NTRK3: variants seen among roughly 807,000 people sequenced by gnomAD.
NTRK3 encodes the protein NT-3 growth factor receptor.
NTRK3 carries 24 observed loss-of-function variants against 91.7 expected under a neutral mutation model. The observed-to-expected ratio is 0.26, with a 90% CI of 0.19 to 0.37. The LOEUF (loss-of-function observed/expected upper bound fraction) is 0.37. Among genes scored for constraint, NTRK3 ranks in the 10% least tolerant of loss-of-function variants. The pLI is 1.00. For synonymous variants in NTRK3, 483 were observed against 404.0 expected, an observed-to-expected ratio of 1.20 and a Z score of -2.34; for missense variants, 880 against 1,068.9, an observed-to-expected ratio of 0.82 and a Z score of 2.46.
At chr15:88,229,904 T>C (rs2051022941) in intron 3 of NTRK3, among the ~76,000 whole-genome samples, 1 of 152,204 alleles carries the variant, frequency 6.6e-6, no homozygotes, top group African/African-American at 2.4e-5. Context: ...GCTTGGAAAA[T>C]CTAACCAAGT....
intron 13 of NTRK3, among the ~76,000 whole-genome samples, chr15:88,060,831 C>CA (rs2046151515): frequency 6.6e-6 from 1 of 152,022 alleles, no homozygotes; most frequent in South Asian, 2.1e-4. Flanking sequence ...TATTTTTGCT[C>CA]AAAAAATATT....
rs1000863194 is a variant in NTRK3, at chr15:88,233,223, A to G, written c.248+22683T>C. Among the ~76,000 whole-genome samples, 18 of 152,176 alleles carry G rather than the reference A, an allele frequency of 1.2e-4. No homozygotes were observed. The highest frequency in any genetic ancestry group is 3.9e-4 in the African/African-American group (16 of 41,424). On this transcript the variant is annotated intron_variant, in intron 3 of 18. Transcript: ENST00000394480. The surrounding 1 kb of genome is among the most constrained non-coding windows in gnomAD (Gnocchi z 4.2). ...ATTAAAACCGTAGAGCACATTGCCAATAAATAACCCCCCCGCCCCCAGTGT... is the reference window on the plus strand; with the variant it reads ...ATTAAAACCGTAGAGCACATTGCCAGTAAATAACCCCCCCGCCCCCAGTGT...
At chr15:88,246,316 C>G (rs1022447188) in intron 3 of NTRK3, among the ~76,000 whole-genome samples, 1 of 152,228 alleles carries the variant, frequency 6.6e-6, no homozygotes, top group Non-Finnish European at 1.5e-5. Flanking sequence ...GTATGGTTAT[C>G]TCCTAAAGCA....
At chr15:87,915,824 T>C (rs1238417794) in intron 17 of NTRK3, among the ~76,000 whole-genome samples, 1 of 150,812 alleles carries the variant, frequency 6.6e-6, no homozygotes, top group Non-Finnish European at 1.5e-5. Context: ...GAAGAAATTG[T>C]TTTTTTTTCA....
chr15:88,193,804 C>T (rs1276750670), intron 3 of NTRK3, among the ~76,000 whole-genome samples: 3 of 152,178 alleles, frequency 2.0e-5, no homozygotes, highest in Non-Finnish European at 2.9e-5. Context: ...AACATATAAA[C>T]ATGTTTTAGG....
At chr15:88,222,471 A>G (rs966988832) in intron 3 of NTRK3, among the ~76,000 whole-genome samples, 2 of 152,180 alleles carry the variant, frequency 1.3e-5, no homozygotes, top group African/African-American at 4.8e-5. Context: ...TACAACAATC[A>G]TATTTTTTAA....
At chr15:87,984,542 G>C (rs1442631985) in intron 14 of NTRK3, among the ~76,000 whole-genome samples, 2 of 152,222 alleles carry the variant, frequency 1.3e-5, no homozygotes, top group African/African-American at 4.8e-5. Context: ...GCCTAGGCTT[G>C]CTGGCCACAG....
intron 6 of NTRK3, among the ~76,000 whole-genome samples, chr15:88,139,298 C>A (rs1017250711): frequency 6.6e-6 from 1 of 152,174 alleles, no homozygotes; most frequent in Non-Finnish European, 1.5e-5. Flanking sequence ...CCGGATAAAT[C>A]TGAATGCCTG....
chr15:88,228,282 C>T (rs1215235883), intron 3 of NTRK3, among the ~76,000 whole-genome samples: 3 of 152,180 alleles, frequency 2.0e-5, no homozygotes, highest in Non-Finnish European at 2.9e-5. Flanking sequence ...CTCCCACCCC[C>T]TCTTCCTATA....
chr15:88,023,869 T>C (rs555329239), intron 14 of NTRK3, among the ~76,000 whole-genome samples: 2 of 152,202 alleles, frequency 1.3e-5, no homozygotes, highest in South Asian at 4.1e-4. Flanking sequence ...CAGCTGCTGC[T>C]GTTGCCTCTG....
intron 17 of NTRK3, among the ~76,000 whole-genome samples, chr15:87,896,880 A>G (rs2066156513): frequency 6.6e-6 from 1 of 152,214 alleles, no homozygotes; most frequent in African/African-American, 2.4e-5. Context: ...AGCAGGACAG[A>G]CTATTATCTA....
At chr15:88,056,383 A>G (rs577767784) in intron 13 of NTRK3, among the ~76,000 whole-genome samples, 113 of 152,014 alleles carry the variant, frequency 7.4e-4, no homozygotes, top group African/African-American at 2.6e-3. Context: ...GAGATGATAA[A>G]ATTTCTCTAT....
At chr15:87,876,301 C>G (rs2064947157) in exon 19 of NTRK3, 1 of 231,098 alleles carries the variant, frequency 4.3e-6, no homozygotes, top group African/African-American at 2.2e-5. Flanking sequence ...TTAGAATGGA[C>G]AAATTAGAAC....
At chr15:87,948,253 C>A (rs2142089704) in intron 14 of NTRK3, among the ~76,000 whole-genome samples, 1 of 152,312 alleles carries the variant, frequency 6.6e-6, no homozygotes, top group Non-Finnish European at 1.5e-5. Flanking sequence ...GCAGAGCCAT[C>A]CCTGGATGAT....
chr15:87,958,350 G>A lies in NTRK3; in HGVS notation c.1586-17597C>T, dbSNP rs140735850. 3.3e-3 allele frequency among the ~76,000 whole-genome samples: 501 copies of A among 152,244 alleles called. 3 individuals carry two copies. Among genetic ancestry groups the A allele is most frequent in the African/African-American group, 0.012 (483 of 41,534 alleles). ...CCTTAGGACGGAATGTCTATTCAGG[G>A]TGGAGCTCCAGTGATTTCATCTGAA... On this transcript the variant is annotated intron_variant, in intron 14 of 18. Transcript: ENST00000394480.
Position 88,032,849 on chromosome 15 carries a change from G to A in NTRK3, c.1585+8C>T, listed in dbSNP as rs2078678083. ...CCAGGAGGGAGAGCATTCCATCCCA[G>A]TACTTACACGTGTCCGGCTTGTGGC... On this transcript the variant is annotated splice_region_variant and intron_variant, in intron 14 of 18. Coordinates refer to ENST00000394480, the Ensembl canonical transcript of NTRK3. 2 of 1,613,490 alleles carry A rather than the reference G, an allele frequency of 1.2e-6. No individual in the cohort carries two copies. The highest frequency in any genetic ancestry group is 8.5e-7 in the Non-Finnish European group (1 of 1,179,782).
intron 17 of NTRK3, 37 bp from the exon 18 acceptor site, chr15:87,885,772 G>T (rs2141516871): frequency 1.0e-6 from 1 of 966,674 alleles, no homozygotes; most frequent in Non-Finnish European, 1.4e-6. Flanking sequence ...AATATTAGAA[G>T]AAAACTTAGA....
intron 13 of NTRK3, among the ~76,000 whole-genome samples, chr15:88,110,869 C>T (rs183810997): frequency 1.3e-5 from 2 of 152,222 alleles, no homozygotes; most frequent in African/African-American, 4.8e-5. Flanking sequence ...ACTGTGATTA[C>T]AGAGCAGGGC....
At chr15:88,199,992 G>A (rs2048165742) in intron 3 of NTRK3, among the ~76,000 whole-genome samples, 1 of 152,174 alleles carries the variant, frequency 6.6e-6, no homozygotes. Flanking sequence ...AACACACCAG[G>A]ATTCTCACGT....
Sources: gnomAD v4.1 joint callset for allele counts (sites outside exome capture counted in the v4.1 genomes callset) on GRCh38, gnomAD v4.1.1 for gene constraint, Gnocchi (gnomAD v3.1) non-coding constraint, MANE v1.5 for transcripts, NCBI Gene and HGNC (gene_info 2026-07-23, HGNC 2026-07-21) for gene names.